The following LPCAT4 variants were observed in gnomAD, a reference collection of about 807,000 sequenced individuals.
The protein encoded by LPCAT4 is lysophospholipid acyltransferase LPCAT4.
In LPCAT4, 30 loss-of-function variants were observed where a neutral mutation model predicts 66.5. The ratio of observed to expected loss-of-function variants is 0.45; its 90% CI spans 0.34 to 0.61. The LOEUF is 0.61. Ranked by LOEUF, LPCAT4 falls within the 20% of genes least tolerant of loss-of-function variation. The probability of loss-of-function intolerance (pLI) is 0.01; values close to 1 mark genes in which losing one functional copy is unlikely to be tolerated. For missense variants in LPCAT4, 557 were observed against 656.7 expected, an observed-to-expected ratio of 0.85 and a Z score of 1.66; for synonymous variants, 253 against 262.1, an observed-to-expected ratio of 0.97 and a Z score of 0.34.
In LPCAT4 at chr15:34,361,473, T is replaced by C. The variant is rs1473728257; in HGVS notation, c.1070A>G (p.Gln357Arg). The C allele has an allele frequency of 1.8e-5, 29 of 1,614,054 alleles. No individual in the cohort carries two copies. The Admixed American group carries it at 4.7e-4, about 26-fold the overall frequency. The change falls in exon 11 of 14, where the codon CAG becomes CGG. Residue 357 changes from glutamine (Q) to arginine (R), a missense_variant. By Grantham distance (43) the Gln-to-Arg change is conservative. This residue lies in a region of LPCAT4 where 392 missense variants were observed against 473.9 expected (regional missense o/e 0.83). Coordinates refer to ENST00000314891, the MANE Select transcript of LPCAT4 (RefSeq NM_153613.3). ...CTGTAGCTGCCTGGCAAACTCTTCC[T>C]GGCTGATCATTCGACTCCGGCCTGG... ...AEPGRSRMIS[Q>R]EEFARQLQLS...
chr15:34,362,775 G>C lies in LPCAT4; in HGVS notation c.801+7C>G. On this transcript the variant is annotated splice_region_variant and intron_variant, in intron 8 of 13. Transcript: ENST00000314891. ...TACTTCTCCCACCGCCCCCACGGGA[G>C]CCATACCTCCACATCCACAATGCTG... 1 of 1,614,134 alleles carries C rather than the reference G, an allele frequency of 6.2e-7. No homozygotes were observed.
chr15:34,360,076 A>T (rs1227760213), intron 12 of LPCAT4, 35 bp downstream of exon 12: 1 of 1,502,868 alleles, frequency 6.7e-7, no homozygotes. Flanking sequence ...GAGCATAGCC[A>T]CTAAGCACCC....
chr15:34,366,801 A>G, intron 1 of LPCAT4, 186 bp downstream of exon 1: 4 of 717,102 alleles, frequency 5.6e-6, no homozygotes, highest in Non-Finnish European at 9.2e-6. Flanking sequence ...CCAAGCCCGC[A>G]GCGTCCTCTC....
chr15:34,364,988 C>T lies in LPCAT4; in HGVS notation c.478+20G>A. 1 of 1,589,338 alleles carries T rather than the reference C, an allele frequency of 6.3e-7. No homozygotes were observed. On this transcript the variant is annotated intron_variant, in intron 3 of 13. Transcript: ENST00000314891. The stretch of plus-strand genomic sequence containing the variant: ...CCCAGAGTTGTCACCCTGCCCTTCA[C>T]CCCCTTTGAACTCTCTCACCTCCAA...
chr15:34,367,174 A>C lies in LPCAT4; in HGVS notation c.-74T>G. 7.8e-7 allele frequency: 1 copy of C among 1,280,506 alleles called. No homozygotes were observed. The highest frequency in any genetic ancestry group is 1.0e-6 in the Non-Finnish European group (1 of 996,264). The allele number at this position is 1,280,506 out of a possible 1,614,324, so 79.3% of individuals were successfully genotyped here. A position where few individuals can be genotyped will look rare whatever the true frequency, so the allele number is the denominator to read the frequency against. ...CACTCTGCAGAGCAGCTGCTGCTGC[A>C]GCAGCGGCGGCGGCGGCGCTCTGGC... On this transcript the variant is annotated 5_prime_UTR_variant, in exon 1 of 14. Coordinates refer to ENST00000314891, the MANE Select transcript of LPCAT4 (RefSeq NM_153613.3).
chr15:34,364,589 A>ATTTTTTTTT (rs1891029617), intron 3 of LPCAT4: 1 of 105,582 alleles, frequency 9.5e-6, no homozygotes, highest in Non-Finnish European at 1.6e-5. Context: ...ACGCCCGGCT[A>ATTTTTTTTT]ATTTTTTTTT....
At chr15:34,366,644 G>A (rs1000306184) in intron 1 of LPCAT4, among the ~76,000 whole-genome samples, 1 of 59,784 alleles carries the variant, frequency 1.7e-5, no homozygotes, top group East Asian at 5.0e-4. Context: ...CCGGCTTCCC[G>A]TAGACTCTAA....
At chr15:34,364,409 CTCTTT>C in intron 3 of LPCAT4, 103 bp from the exon 4 acceptor site, 1 of 600,674 alleles carries the variant, frequency 1.7e-6, no homozygotes, top group Non-Finnish European at 2.8e-6. Flanking sequence ...TTTCTGTTAT[CTCTTT>C]TTTTTTTTTT....
Position 34,366,974 on chromosome 15 carries a change from C to T in LPCAT4, c.114+13G>A. On this transcript the variant is annotated intron_variant, in intron 1 of 13. Transcript: ENST00000314891. The stretch of plus-strand genomic sequence containing the variant: ...CTCACGGGTCCTTCCGACGCCCGCT[C>T]CCCACACATTACCTTAACCCTCTGG... The T allele has an allele frequency of 6.4e-7, 1 of 1,553,140 alleles. No homozygotes were observed. Among genetic ancestry groups the T allele is most frequent in the Non-Finnish European group, 8.7e-7 (1 of 1,146,476 alleles).
chr15:34,366,910 C>T, intron 1 of LPCAT4, 77 bp downstream of exon 1: 1 of 1,525,158 alleles, frequency 6.6e-7, no homozygotes, highest in Non-Finnish European at 8.9e-7. Context: ...ATCCCCAAGC[C>T]CACCTTTGCC....
rs749609765 is a variant in LPCAT4 at position 34,367,071 on chromosome 15, G to A, written c.30C>T (p.Ala10=). The A allele has an allele frequency of 6.4e-7, 1 of 1,554,488 alleles. No individual in the cohort carries two copies. Among genetic ancestry groups the A allele is most frequent in the Non-Finnish European group, 8.7e-7 (1 of 1,149,336 alleles). Residue 10 remains alanine, a synonymous_variant, in exon 1 of 14, where the codon GCC becomes GCT. Coordinates refer to ENST00000314891, the MANE Select transcript of LPCAT4 (RefSeq NM_153613.3). ...GGGGTCCGGGGGTGGGATCTAGGGG[G>A]GCCCAGTCCCCCGGACTTCCCTGGC... is the stretch of plus-strand genomic sequence containing the variant. MSQGSPGDW[A]PLDPTPGPPA... is the part of the protein sequence containing the mutation.
In LPCAT4 at chr15:34,360,150, C is replaced by T; in HGVS notation, c.1203G>A (p.Gly401=). 1 of 1,614,050 alleles carries T rather than the reference C, an allele frequency of 6.2e-7. No homozygotes were observed. The highest frequency in any genetic ancestry group is 8.5e-7 in the Non-Finnish European group (1 of 1,180,000). ...GAGTTAGCTCTTCCAGGCTCCTGCC[C>T]CCATCCAGAGCTGCTAGTGCAAGGG... is the stretch of plus-strand genomic sequence containing the variant. The part of the protein sequence containing the change: ...DVALALAALD[G]GRSLEELTRL... Residue 401 remains glycine (G), a synonymous_variant, in exon 12 of 14, where the codon GGG becomes GGA. Coordinates refer to ENST00000314891, the MANE Select transcript of LPCAT4 (RefSeq NM_153613.3).
rs575280111 is a variant in LPCAT4 at position 34,365,730 on chromosome 15, T to C, written c.115-29A>G. On this transcript the variant is annotated intron_variant, in intron 1 of 13. Coordinates refer to ENST00000314891, the MANE Select transcript of LPCAT4 (RefSeq NM_153613.3). ...CAAAGGGTGGGAGAGAATGCCACTTTAGAGCTTGGATATGCTCCCTCCACA... is the reference window on the plus strand; with the variant it reads ...CAAAGGGTGGGAGAGAATGCCACTTCAGAGCTTGGATATGCTCCCTCCACA... The C allele has an allele frequency of 8.1e-6, 13 of 1,611,512 alleles. No individual in the cohort carries two copies. In the East Asian group the frequency reaches 2.2e-4, roughly 28 times the overall value.
At position 34,362,584 on chromosome 15, in the gene LPCAT4, C is replaced by CCT; in HGVS notation, c.871_872dup (p.Val292GlyfsTer17). The CCT allele has an allele frequency of 6.4e-7, 1 of 1,557,850 alleles. No homozygotes were observed. Among genetic ancestry groups the CCT allele is most frequent in the African/African-American group, 1.4e-5 (1 of 73,420 alleles). ...TGTGGGGCACTCACTGTGCCATGAC[C>CCT]CTCTGAACATTGTTGGCATAGAGGG... On this transcript the variant is annotated frameshift_variant, in exon 9 of 14. Coordinates refer to ENST00000314891, the MANE Select transcript of LPCAT4 (RefSeq NM_153613.3). LOFTEE classifies it high-confidence loss of function.
intron 2 of LPCAT4, 51 bp downstream of exon 2, chr15:34,365,508 T>TAGAC (rs1891055570): frequency 1.9e-6 from 3 of 1,610,354 alleles, no homozygotes; most frequent in Non-Finnish European, 2.5e-6. Context: ...GGGAGCCGAA[T>TAGAC]AGACAGCAGG....
At chr15:34,366,414 C>T (rs753133871) in intron 1 of LPCAT4, among the ~76,000 whole-genome samples, 8 of 152,088 alleles carry the variant, frequency 5.3e-5, no homozygotes, top group African/African-American at 1.9e-4. Flanking sequence ...CCCAGCTCCC[C>T]TAGGCTGGCG....
chr15:34,359,750 G>A lies in LPCAT4; in HGVS notation c.1243-5C>T, dbSNP rs1360242062. On this transcript the variant is annotated splice_polypyrimidine_tract_variant and splice_region_variant and intron_variant, in intron 12 of 13. Coordinates refer to ENST00000314891, the MANE Select transcript of LPCAT4 (RefSeq NM_153613.3). ...TGCTTGCTCTTCAGCAAAGAGCTTG[G>A]GAGAGAAAGGGATAAGAGTCAAGTT... The A allele has an allele frequency of 6.2e-7, 1 of 1,609,280 alleles. No homozygotes were observed. The highest frequency in any genetic ancestry group is 1.3e-5 in the African/African-American group (1 of 74,866).
At chr15:34,361,339 G>C (rs1389260877) in intron 11 of LPCAT4, 61 bp downstream of exon 11, 6 of 1,605,384 alleles carry the variant, frequency 3.7e-6, no homozygotes, top group Non-Finnish European at 5.1e-6. Context: ...CGGCCACTAG[G>C]AACATGTCAG....
In LPCAT4 at chr15:34,367,032, GT is replaced by G; in HGVS notation, c.68del (p.Asn23ThrfsTer72). On this transcript the variant is annotated frameshift_variant, in exon 1 of 14. Transcript: ENST00000314891. LOFTEE classifies it high-confidence loss of function. ...AGAGATGTAACTCATGCACGAAGGG[GT>G]TGGGGGATGCTGGGGGTCCGGGGGT... Reference protein sequence around the residue: ...DPTPGPPASPNPFVHELHLSR... With the variant: ...DPTPGPPASPXPFVHELHLSR... The G allele has an allele frequency of 6.7e-7, 1 of 1,499,150 alleles. No homozygotes were observed. Among genetic ancestry groups the G allele is most frequent in the Non-Finnish European group, 9.1e-7 (1 of 1,095,462 alleles). 92.9% of individuals were successfully genotyped at this position (1,499,150 alleles called of 1,614,324 possible).
Sources: allele counts gnomAD v4.1 joint callset (sites outside exome capture counted in the v4.1 genomes callset), GRCh38; gene constraint gnomAD v4.1.1; regional missense constraint gnomAD v4.1.1; transcripts MANE v1.5; gene names NCBI Gene and HGNC (gene_info 2026-07-23, HGNC 2026-07-21).